COL18A1: variants seen among roughly 807,000 people sequenced by gnomAD.
The protein encoded by COL18A1 is collagen type XVIII alpha 1 chain.
In COL18A1, 133 loss-of-function variants were observed where a neutral mutation model predicts 168.0. The ratio of observed to expected loss-of-function variants is 0.79; its 90% CI spans 0.69 to 0.91. The LOEUF is 0.91. Ranked by LOEUF, COL18A1 falls within the 40% of genes least tolerant of loss-of-function variation. The pLI, the probability that COL18A1 is intolerant of heterozygous loss-of-function variation, is 0.00. For synonymous variants in COL18A1, 949 were observed against 809.0 expected, an observed-to-expected ratio of 1.17 and a Z score of -2.94; for missense variants, 2,126 against 1,925.4, an observed-to-expected ratio of 1.10 and a Z score of -1.95.
rs753935209 is a variant in COL18A1, at chr21:45,487,489, C to T, written c.1876C>T (p.Arg626Ter). 1.9e-6 allele frequency: 3 copies of T among 1,612,974 alleles called. No homozygotes were observed. The highest frequency in any genetic ancestry group is 2.5e-6 in the Non-Finnish European group (3 of 1,180,004). The change falls in exon 17 of 42, where the codon CGA (arginine) becomes TGA (stop). Residue 626 changes from arginine to a stop codon, truncating the protein, a stop_gained. Transcript: ENST00000651438. LOFTEE classifies it high-confidence loss of function. ...CGGGGGGCCCTTCTGGTCAACAGCC[C>T]GAAGCGCTGATGGGCCACAGGTAGT... ...GSGGPFWSTA[R>*]SADGPQGPPG...
intron 11 of COL18A1, 53 bp from the exon 12 acceptor site, chr21:45,480,414 C>T (rs2035851187): frequency 6.2e-6 from 10 of 1,613,676 alleles, no homozygotes; most frequent in Non-Finnish European, 8.5e-6. Context: ...CAGGAGTAGG[C>T]CAGGCGGGGG....
At chr21:45,437,678 G>A (rs1294773297) in intron 2 of COL18A1, among the ~76,000 whole-genome samples, 2 of 30,022 alleles carry the variant, frequency 6.7e-5, no homozygotes, top group Admixed American at 3.7e-4. Context: ...AGACACACAG[G>A]CACTCTCCTG....
chr21:45,453,804 C>G (rs1027096609), intron 2 of COL18A1, among the ~76,000 whole-genome samples: 1 of 152,188 alleles, frequency 6.6e-6, no homozygotes, highest in African/African-American at 2.4e-5. Context: ...CGGAGCTGCT[C>G]TCCCTCCATT....
At position 45,436,749 on chromosome 21, in the gene COL18A1, G is replaced by T. The variant is rs894997645; in HGVS notation, c.106+31276G>T. Reference sequence around the variant, plus strand: ...CTAGAAGGAGGGAGCCGTGGCTGTGGGGTCCCTGATGGGAGGGAGATGTGG... The same window carrying T: ...CTAGAAGGAGGGAGCCGTGGCTGTGTGGTCCCTGATGGGAGGGAGATGTGG... On this transcript the variant is annotated intron_variant, in intron 2 of 41. Coordinates refer to ENST00000651438, the MANE Select transcript of COL18A1 (RefSeq NM_001379500.1). Among the ~76,000 whole-genome samples, 72 of 152,110 alleles carry T rather than the reference G, an allele frequency of 4.7e-4. 4 individuals carry two copies. The highest frequency in any genetic ancestry group is 1.2e-4 in the Non-Finnish European group (8 of 67,968).
intron 4 of COL18A1, among the ~76,000 whole-genome samples, chr21:45,474,903 C>T (rs543143794): frequency 1.7e-4 from 26 of 152,240 alleles, no homozygotes; most frequent in African/African-American, 2.2e-4. Context: ...TGCCAGAAGA[C>T]GCCAGATCGT....
intron 2 of COL18A1, among the ~76,000 whole-genome samples, chr21:45,453,150 GAC>G (rs1457303009): frequency 2.6e-5 from 4 of 151,864 alleles, no homozygotes; most frequent in African/African-American, 9.7e-5. Context: ...ATTCACATGT[GAC>G]ATGTGTGAGC....
chr21:45,492,485 A>C (rs965997557), intron 22 of COL18A1, 50 bp from the exon 23 acceptor site: 7 of 1,612,074 alleles, frequency 4.3e-6, no homozygotes, highest in African/African-American at 1.3e-5. Context: ...GTCCAGTTGA[A>C]TTTTAAACGC....
chr21:45,442,832 C>T (rs376596657), intron 2 of COL18A1, among the ~76,000 whole-genome samples: 2 of 135,272 alleles, frequency 1.5e-5, no homozygotes, highest in East Asian at 4.3e-4. Flanking sequence ...CTGGTGTGGG[C>T]GGCGGTCCTG....
chr21:45,500,166 G>A (rs2036694628), intron 32 of COL18A1, among the ~76,000 whole-genome samples: 1 of 89,348 alleles, frequency 1.1e-5, no homozygotes, highest in East Asian at 3.1e-4. Flanking sequence ...TGGGTGTGTA[G>A]TGTGGGGGTG....
At chr21:45,439,394 C>G (rs1223482939) in intron 2 of COL18A1, among the ~76,000 whole-genome samples, 1 of 152,230 alleles carries the variant, frequency 6.6e-6, no homozygotes, top group Non-Finnish European at 1.5e-5. Context: ...CGGTCACGGG[C>G]TGGTGGGCAG....
At position 45,457,020 on chromosome 21, in the gene COL18A1, G is replaced by A; in HGVS notation, c.107-11222G>A. ...AGGGGCCCGTGGCCCTCGGGAGGTG[G>A]GAGAGCTGGGAGTGAGGCCTCCTGT... On this transcript the variant is annotated intron_variant, in intron 2 of 41. Transcript: ENST00000651438. This position sits in a 1 kb window ranked among gnomAD's most constrained non-coding sequence, Gnocchi z 4.6. 1.5e-6 allele frequency: 1 copy of A among 682,032 alleles called. No homozygotes were observed. The highest frequency in any genetic ancestry group is 2.2e-6 in the Non-Finnish European group (1 of 451,968). 42.2% of individuals were successfully genotyped at this position (682,032 alleles called of 1,614,324 possible). A position where few individuals can be genotyped will look rare whatever the true frequency, so the allele number is the denominator to read the frequency against.
At chr21:45,497,756 G>A (rs2036591907) in intron 32 of COL18A1, 95 bp downstream of exon 32, 1 of 1,506,766 alleles carries the variant, frequency 6.6e-7, no homozygotes, top group African/African-American at 1.4e-5. Flanking sequence ...GCAGGTCCTG[G>A]ACCCTCACTG....
intron 2 of COL18A1, among the ~76,000 whole-genome samples, chr21:45,434,302 C>T (rs543636663): frequency 1.3e-5 from 2 of 152,274 alleles, no homozygotes; most frequent in Admixed American, 6.5e-5. Flanking sequence ...CCCTCGGGGA[C>T]AGGCGGCCCG....
At chr21:45,509,998 G>A (rs2037479681) in intron 39 of COL18A1, 66 bp from the exon 40 acceptor site, 10 of 1,510,518 alleles carry the variant, frequency 6.6e-6, no homozygotes, top group African/African-American at 1.4e-5. Context: ...CCGGGGTGGT[G>A]CGCCCGGGGC....
chr21:45,406,910 G>A (rs937587330), intron 2 of COL18A1, among the ~76,000 whole-genome samples: 1 of 152,260 alleles, frequency 6.6e-6, no homozygotes, highest in African/African-American at 2.4e-5. Flanking sequence ...AGCAGGGAAA[G>A]TTACGGTTGG....
At chr21:45,491,196 A>C (rs780225342) in intron 21 of COL18A1, 29 bp from the exon 22 acceptor site, 30 of 1,583,494 alleles carry the variant, frequency 1.9e-5, no homozygotes, top group Non-Finnish European at 2.6e-5. Flanking sequence ...GTTGAGATGA[A>C]ATGCCGGACG....
rs1386372479 is a variant in COL18A1 at position 45,477,468 on chromosome 21, C to T, written c.986C>T (p.Pro329Leu). The change falls in exon 7 of 42, where the codon CCT (proline) becomes CTT (leucine). Residue 329 changes from proline to leucine, a missense_variant. Physicochemically the swap from Pro to Leu is moderately conservative, Grantham distance 98. Coordinates refer to ENST00000651438, the MANE Select transcript of COL18A1 (RefSeq NM_001379500.1). ...VSTWDGSVRT[P>L]GGRVKEGGLK... ...ACGTGGGACGGGAGTGTCCGGACCC[C>T]TGGGGGCCGCGTGAAAGAGGTAAGG... is the stretch of plus-strand genomic sequence containing the variant. 6.2e-7 allele frequency: 1 copy of T among 1,611,820 alleles called. No individual in the cohort carries two copies. Among genetic ancestry groups the T allele is most frequent in the Non-Finnish European group, 8.5e-7 (1 of 1,179,082 alleles).
intron 2 of COL18A1, among the ~76,000 whole-genome samples, chr21:45,435,210 C>G (rs1251992509): frequency 7.9e-6 from 1 of 126,312 alleles, no homozygotes; most frequent in Non-Finnish European, 1.6e-5. Context: ...GGTAGGGGGT[C>G]GATGGGAGGA....
chr21:45,455,497 TCCCGCCG>T (rs1384121215), intron 2 of COL18A1: 2 of 1,609,092 alleles, frequency 1.2e-6, no homozygotes, highest in South Asian at 1.1e-5. Flanking sequence ...ACAGAGGCCC[TCCCGCCG>T]CCCGCAGCTC....
Sources: gnomAD v4.1 joint callset for allele counts (sites outside exome capture counted in the v4.1 genomes callset) on GRCh38, gnomAD v4.1.1 for gene constraint, Gnocchi (gnomAD v3.1) non-coding constraint, MANE v1.5 for transcripts, NCBI Gene and HGNC (gene_info 2026-07-23, HGNC 2026-07-21) for gene names.